The following TMEM132B variants were observed in gnomAD, a reference collection of about 807,000 sequenced individuals.
The protein encoded by TMEM132B is transmembrane protein 132B.
TMEM132B carries 18 observed loss-of-function variants against 90.8 expected under a neutral mutation model. That is an observed-to-expected ratio of 0.20 (90% CI 0.14 to 0.29). The LOEUF (loss-of-function observed/expected upper bound fraction) is 0.29. Ranked by LOEUF, TMEM132B falls within the 10% of genes least tolerant of loss-of-function variation. The probability of loss-of-function intolerance (pLI) is 1.00; values close to 1 mark genes in which losing one functional copy is unlikely to be tolerated. For synonymous variants in TMEM132B, 504 were observed against 523.3 expected, an observed-to-expected ratio of 0.96 and a Z score of 0.50; for missense variants, 1,096 against 1,326.8, an observed-to-expected ratio of 0.83 and a Z score of 2.70.
At chr12:125,595,531 T>C (rs1885419398) in intron 5 of TMEM132B, among the ~76,000 whole-genome samples, 1 of 152,178 alleles carries the variant, frequency 6.6e-6, no homozygotes. Context: ...ATGTATCAGT[T>C]CATATATTAG....
chr12:125,582,271 AATT>A (rs3042320), intron 4 of TMEM132B, among the ~76,000 whole-genome samples: 10,138 of 145,706 alleles, frequency 0.07, 529 homozygotes, highest in African/African-American at 0.14. Context: ...AAGTTTTAGC[AATT>A]ATTATTATTA....
intron 7 of TMEM132B, 136 bp downstream of exon 7, chr12:125,651,089 G>T: frequency 8.2e-7 from 1 of 1,217,158 alleles, no homozygotes; most frequent in South Asian, 1.5e-5. Context: ...TGCATGTATT[G>T]CCTCTGTTTG....
Position 125,661,860 on chromosome 12 carries a change from T to C in TMEM132B, c.*7150T>C, listed in dbSNP as rs1887213273. On this transcript the variant is annotated 3_prime_UTR_variant, in exon 9 of 9. Transcript: ENST00000682704. Reference sequence around the variant, plus strand: ...ACAGACCCGTGCTCTTAGAGGGAGGTAGTGTGTGTCTTCCCATGGCAAATA... The same window carrying C: ...ACAGACCCGTGCTCTTAGAGGGAGGCAGTGTGTGTCTTCCCATGGCAAATA... 1 of 151,916 alleles carries C rather than the reference T, an allele frequency of 6.6e-6. No homozygotes were observed. Among genetic ancestry groups the C allele is most frequent in the South Asian group, 2.1e-4 (1 of 4,814 alleles). 9.4% of individuals were successfully genotyped at this position (151,916 alleles called of 1,614,324 possible).
At chr12:125,309,728 A>AT (rs1876077380) in intron 1 of TMEM132B, among the ~76,000 whole-genome samples, 1 of 152,210 alleles carries the variant, frequency 6.6e-6, no homozygotes, top group Admixed American at 6.5e-5. Flanking sequence ...GAGGCTCAAA[A>AT]TTAAAATTTC....
chr12:125,566,835 C>CTTCTTTTTT (rs1463169929), intron 4 of TMEM132B, among the ~76,000 whole-genome samples: 1 of 78,738 alleles, frequency 1.3e-5, no homozygotes, highest in African/African-American at 6.1e-5. Flanking sequence ...TCTTCTTCTT[C>CTTCTTTTTT]TTTTTTTTTT....
At chr12:125,477,307 C>G (rs1881909102) in intron 3 of TMEM132B, among the ~76,000 whole-genome samples, 1 of 152,012 alleles carries the variant, frequency 6.6e-6, no homozygotes, top group Admixed American at 6.6e-5. Flanking sequence ...CTGATCTTAT[C>G]ATAATTTTAA....
intron 5 of TMEM132B, among the ~76,000 whole-genome samples, chr12:125,604,972 C>A (rs1287238698): frequency 6.6e-6 from 1 of 152,064 alleles, no homozygotes; most frequent in Non-Finnish European, 1.5e-5. Flanking sequence ...AGTTTGTGCA[C>A]AAAACTGTTT....
At chr12:125,474,546 C>T (rs1394040587) in intron 3 of TMEM132B, among the ~76,000 whole-genome samples, 2 of 152,124 alleles carry the variant, frequency 1.3e-5, no homozygotes, top group Admixed American at 1.3e-4. Context: ...GCTTCAGTCT[C>T]CCAAAGTGCT....
At chr12:125,461,194 C>G (rs553683430) in intron 3 of TMEM132B, among the ~76,000 whole-genome samples, 25 of 152,296 alleles carry the variant, frequency 1.6e-4, no homozygotes, top group African/African-American at 5.5e-4. Flanking sequence ...CTTCTTTAGG[C>G]GGGGCTATGA....
chr12:125,594,048 TCTC>T (rs1353521362), intron 5 of TMEM132B, among the ~76,000 whole-genome samples: 1 of 152,174 alleles, frequency 6.6e-6, no homozygotes, highest in Non-Finnish European at 1.5e-5. Flanking sequence ...CCCTTTATAA[TCTC>T]CTCTCTTCTG....
chr12:125,397,683 T>C (rs985672201), intron 2 of TMEM132B, among the ~76,000 whole-genome samples: 2 of 152,224 alleles, frequency 1.3e-5, no homozygotes, highest in South Asian at 2.1e-4. Context: ...CCAGAGTCCA[T>C]GGTTGAGAAT....
At chr12:125,264,319 A>G (rs1027512811) in intron 1 of TMEM132B, among the ~76,000 whole-genome samples, 1 of 152,184 alleles carries the variant, frequency 6.6e-6, no homozygotes, top group Non-Finnish European at 1.5e-5. Context: ...ACCTAATCAC[A>G]TGTGCAGAGT....
chr12:125,193,317 C>T (rs886468956), intron 1 of TMEM132B, among the ~76,000 whole-genome samples: 3 of 152,114 alleles, frequency 2.0e-5, no homozygotes, highest in Admixed American at 2.0e-4. Context: ...GGGTCTCCTC[C>T]CCAGAGCTCA....
chr12:125,425,987 T>C (rs902088996), intron 3 of TMEM132B, among the ~76,000 whole-genome samples: 3 of 152,218 alleles, frequency 2.0e-5, no homozygotes, highest in African/African-American at 4.8e-5. Flanking sequence ...CTGGATCATA[T>C]GATAAGAATA....
chr12:125,442,718 C>T (rs1394903993), intron 3 of TMEM132B, among the ~76,000 whole-genome samples: 8 of 152,182 alleles, frequency 5.3e-5, no homozygotes, highest in Admixed American at 2.6e-4. Flanking sequence ...GCCAGGATGA[C>T]GGCAGGTGTG....
chr12:125,468,780 TA>T (rs74754817), intron 3 of TMEM132B, among the ~76,000 whole-genome samples: 2 of 152,230 alleles, frequency 1.3e-5, no homozygotes, highest in Non-Finnish European at 2.9e-5. Context: ...TCAATGGTTT[TA>T]AAAAAAATTT....
intron 3 of TMEM132B, among the ~76,000 whole-genome samples, chr12:125,450,026 A>G (rs1391854196): frequency 2.0e-5 from 3 of 152,200 alleles, no homozygotes; most frequent in Admixed American, 1.3e-4. Context: ...GTACCTGTAT[A>G]TATGGGTATG....
chr12:125,228,590 G>C (rs1405436893), intron 1 of TMEM132B, among the ~76,000 whole-genome samples: 1 of 152,220 alleles, frequency 6.6e-6, no homozygotes, highest in East Asian at 1.9e-4. Flanking sequence ...GCTGGTGGGC[G>C]GAGCTGGACC....
intron 3 of TMEM132B, among the ~76,000 whole-genome samples, chr12:125,466,799 G>T (rs990075312): frequency 6.6e-6 from 1 of 152,224 alleles, no homozygotes; most frequent in Admixed American, 6.5e-5. Context: ...AGTTGTTTAT[G>T]CATTTCTGTG....
Sources: allele counts gnomAD v4.1 joint callset (sites outside exome capture counted in the v4.1 genomes callset), GRCh38; gene constraint gnomAD v4.1.1; transcripts MANE v1.5; gene names NCBI Gene and HGNC (gene_info 2026-07-23, HGNC 2026-07-21).